The following LIPH variants were observed in gnomAD, a reference collection of about 807,000 sequenced individuals.
LIPH encodes lipase member H.
In LIPH, 32 loss-of-function variants were observed where a neutral mutation model predicts 47.6. The ratio of observed to expected loss-of-function variants is 0.67; its 90% CI spans 0.51 to 0.90. The LOEUF is 0.90. Ranked by LOEUF, LIPH falls within the 40% of genes least tolerant of loss-of-function variation. LIPH has a pLI of 0.00. For missense variants in LIPH, 497 were observed against 541.4 expected (o/e 0.92, Z 0.81); for synonymous variants, 190 against 195.6 (o/e 0.97, Z 0.24).
chr3:185,526,665 ATAT>A (rs531164462), intron 4 of LIPH, among the ~76,000 whole-genome samples: 56 of 94,952 alleles, frequency 5.9e-4, no homozygotes, highest in African/African-American at 1.4e-3. Context: ...ATAAAAAATA[ATAT>A]AATATAATAT....
intron 9 of LIPH, 84 bp from the exon 10 acceptor site, chr3:185,508,961 C>T (rs1420559413): frequency 2.3e-6 from 2 of 874,576 alleles, no homozygotes; most frequent in Non-Finnish European, 3.8e-6. Context: ...CCTTAAGATA[C>T]AAAATTATTT....
At chr3:185,525,199 C>A (rs1720030951) in intron 4 of LIPH, among the ~76,000 whole-genome samples, 1 of 152,058 alleles carries the variant, frequency 6.6e-6, no homozygotes, top group South Asian at 2.1e-4. Flanking sequence ...GTGACAGAGA[C>A]AGACCCTGTC....
At chr3:185,512,487 C>A (rs1577662968) in intron 8 of LIPH, among the ~76,000 whole-genome samples, 1 of 130,964 alleles carries the variant, frequency 7.6e-6, no homozygotes, top group East Asian at 2.2e-4. Flanking sequence ...GACATTAATC[C>A]TTTTTTTTTT....
At position 185,508,565 on chromosome 3, in the gene LIPH, A is replaced by T. The variant is rs564056288; in HGVS notation, c.*225T>A. 8.9e-6 allele frequency: 5 copies of T among 559,532 alleles called. No homozygotes were observed. Among genetic ancestry groups the T allele is most frequent in the South Asian group, 8.0e-5 (4 of 49,714 alleles). 34.7% of individuals were successfully genotyped at this position (559,532 alleles called of 1,614,324 possible). ...GCAGACACAGCGCTGCGCTGCTGCG[A>T]GCCTGGCTATTTCTGACTTGCCCTA... is the stretch of plus-strand genomic sequence containing the variant. On this transcript the variant is annotated 3_prime_UTR_variant, in exon 10 of 10. Coordinates refer to ENST00000296252, the MANE Select transcript of LIPH (RefSeq NM_139248.3).
rs971631279 is a variant in LIPH at position 185,508,682 on chromosome 3, G to T, written c.*108C>A. The T allele has an allele frequency of 2.4e-5, 20 of 829,226 alleles. No homozygotes were observed. Among genetic ancestry groups the T allele is most frequent in the Non-Finnish European group, 3.8e-5 (18 of 479,352 alleles). 51.4% of individuals were successfully genotyped at this position (829,226 alleles called of 1,614,324 possible). A position where few individuals can be genotyped will look rare whatever the true frequency, so the allele number is the denominator to read the frequency against. ...TAGGACGCTACTGAAAAAAGCCTTG[G>T]TTTTTTTCATACTTTTTCTGCCTTG... On this transcript the variant is annotated 3_prime_UTR_variant, in exon 10 of 10. Transcript: ENST00000296252.
intron 7 of LIPH, among the ~76,000 whole-genome samples, chr3:185,514,762 G>A (rs1263442982): frequency 6.6e-6 from 1 of 152,170 alleles, no homozygotes; most frequent in Non-Finnish European, 1.5e-5. Context: ...CATCATCGTT[G>A]AACCAGTGTT....
chr3:185,527,538 T>G lies in LIPH; in HGVS notation c.574A>C (p.Arg192=). Residue 192 remains arginine (R), a synonymous_variant, in exon 4 of 10, where the codon AGA becomes CGA. Coordinates refer to ENST00000296252, the MANE Select transcript of LIPH (RefSeq NM_139248.3). ...AACTGCGCATCACTGGGATCTAATC[T>G]GTCTTGGTGAGGTTTCCCGTTGAAT... ...PLFNGKPHQD[R]LDPSDAQFVD... is the part of the protein sequence containing the mutation. The G allele has an allele frequency of 6.2e-7, 1 of 1,612,990 alleles. No homozygotes were observed. Among genetic ancestry groups the G allele is most frequent in the South Asian group, 1.1e-5 (1 of 90,852 alleles).
At chr3:185,519,836 C>CAAAAAAAAAAAAAAA (rs145391972) in intron 5 of LIPH, among the ~76,000 whole-genome samples, 1 of 53,788 alleles carries the variant, frequency 1.9e-5, no homozygotes, top group African/African-American at 8.2e-5. Context: ...CACTCCATCT[C>CAAAAAAAAAAAAAAA]AAAAAAAAAA....
intron 4 of LIPH, among the ~76,000 whole-genome samples, chr3:185,525,510 G>A (rs1197869545): frequency 6.6e-6 from 1 of 152,064 alleles, no homozygotes; most frequent in African/African-American, 2.4e-5. Context: ...AGGCATGGTG[G>A]CTCACGCCTG....
At chr3:185,547,329 C>T (rs752221239) in intron 1 of LIPH, among the ~76,000 whole-genome samples, 7 of 152,074 alleles carry the variant, frequency 4.6e-5, no homozygotes, top group Non-Finnish European at 8.8e-5. Flanking sequence ...TTAACCTTGA[C>T]GTGTAGTGCC....
Position 185,536,056 on chromosome 3 carries a change from A to G in LIPH, c.50-924T>C, listed in dbSNP as rs553034079. ...CTCCCAGCTATAAGTACTATCCTTTACCCTGGAACTCCCAAAACTCCCTTT... is the reference window on the plus strand; with the variant it reads ...CTCCCAGCTATAAGTACTATCCTTTGCCCTGGAACTCCCAAAACTCCCTTT... On this transcript the variant is annotated intron_variant, in intron 1 of 9. Coordinates refer to ENST00000296252, the MANE Select transcript of LIPH (RefSeq NM_139248.3). 2.6e-5 allele frequency among the ~76,000 whole-genome samples: 4 copies of G among 152,210 alleles called. No individual in the cohort carries two copies. In the South Asian group the frequency reaches 8.3e-4, roughly 32 times the overall value.
At chr3:185,522,049 G>C (rs1338198282) in intron 5 of LIPH, among the ~76,000 whole-genome samples, 1 of 152,140 alleles carries the variant, frequency 6.6e-6, no homozygotes, top group Non-Finnish European at 1.5e-5. Flanking sequence ...CGACAGCCAG[G>C]AATGGTTGTT....
Position 185,508,593 on chromosome 3 carries a change from T to C in LIPH, c.*197A>G. 3.4e-6 allele frequency: 2 copies of C among 594,854 alleles called. No individual in the cohort carries two copies. Among genetic ancestry groups the C allele is most frequent in the Middle Eastern group, 4.5e-4 (1 of 2,228 alleles). 36.8% of individuals were successfully genotyped at this position (594,854 alleles called of 1,614,324 possible). A position where few individuals can be genotyped will look rare whatever the true frequency, so the allele number is the denominator to read the frequency against. ...CTGGCTATTTCTGACTTGCCCTAGT[T>C]AGGGGCTCCTTCCCAGGATCGTTTT... On this transcript the variant is annotated 3_prime_UTR_variant, in exon 10 of 10. Coordinates refer to ENST00000296252, the MANE Select transcript of LIPH (RefSeq NM_139248.3).
chr3:185,534,820 G>C lies in LIPH; in HGVS notation c.362C>G (p.Ser121Cys), dbSNP rs1342838431. Reference sequence around the variant, plus strand: ...CATGGCTACTTTTCTGGTCTTACTAGAGGCATGGGTATATATTAAAGTTGT... The same window carrying C: ...CATGGCTACTTTTCTGGTCTTACTACAGGCATGGGTATATATTAAAGTTGT... ...GATTLIYTHA[S>C]SKTRKVAMVL... The change falls in exon 2 of 10, where the codon TCT (serine) becomes TGT (cysteine). Residue 121 changes from serine (S) to cysteine (C), a missense_variant. By Grantham distance (112) the Ser-to-Cys change is moderately radical. Transcript: ENST00000296252. 1 of 1,613,652 alleles carries C rather than the reference G, an allele frequency of 6.2e-7. No individual in the cohort carries two copies.
intron 5 of LIPH, among the ~76,000 whole-genome samples, chr3:185,520,789 T>C (rs780800545): frequency 1.1e-4 from 17 of 152,078 alleles, no homozygotes; most frequent in Non-Finnish European, 2.1e-4. Flanking sequence ...TTATTTCACT[T>C]ACTCTCCAGC....
At chr3:185,547,692 C>T (rs77932195) in intron 1 of LIPH, among the ~76,000 whole-genome samples, 6,375 of 151,964 alleles carry the variant, frequency 0.042, 266 homozygotes, top group East Asian at 0.24. Flanking sequence ...GGCATGGTGG[C>T]AGGCACCTGT....
chr3:185,550,652 C>G (rs1006160866), intron 1 of LIPH, among the ~76,000 whole-genome samples: 2 of 152,088 alleles, frequency 1.3e-5, no homozygotes, highest in Non-Finnish European at 2.9e-5. Context: ...TCACTGCAAC[C>G]TCTGCCTCCC....
In LIPH at chr3:185,507,012, T is replaced by C. The variant is rs1719397922; in HGVS notation, c.*1778A>G. The C allele has an allele frequency of 6.6e-6, 1 of 152,018 alleles. No homozygotes were observed. Among genetic ancestry groups the C allele is most frequent in the East Asian group, 1.9e-4 (1 of 5,184 alleles). 9.4% of individuals were successfully genotyped at this position (152,018 alleles called of 1,614,324 possible). A position where few individuals can be genotyped will look rare whatever the true frequency, so the allele number is the denominator to read the frequency against. On this transcript the variant is annotated 3_prime_UTR_variant, in exon 10 of 10. Transcript: ENST00000296252. ...AAACAGACTCTGTATTTGCTGCAAA[T>C]GTAAATCTGTAAGAAGATGTGCCAC...
chr3:185,534,526 TA>T (rs772415024), intron 2 of LIPH, among the ~76,000 whole-genome samples: 2 of 152,198 alleles, frequency 1.3e-5, no homozygotes, highest in Non-Finnish European at 2.9e-5. Context: ...TATAAATCTA[TA>T]ATGTCACAAT....
Sources: allele counts gnomAD v4.1 joint callset (sites outside exome capture counted in the v4.1 genomes callset), GRCh38; gene constraint gnomAD v4.1.1; transcripts MANE v1.5; gene names NCBI Gene and HGNC (gene_info 2026-07-23, HGNC 2026-07-21).